Variants in ASCC3 observed in about 807,000 individuals in gnomAD.
The protein encoded by ASCC3 is ASC-1 complex subunit P200.
Under a neutral mutation model 256.3 loss-of-function variants are expected in ASCC3, and 158 were observed. That is an observed-to-expected ratio of 0.62 (90% confidence interval 0.54 to 0.70). The LOEUF is 0.70. Ranked by LOEUF, ASCC3 falls within the 30% of genes least tolerant of loss-of-function variation. The pLI, the probability that ASCC3 is intolerant of heterozygous loss-of-function variation, is 0.00. For synonymous variants in ASCC3, 948 were observed against 883.4 expected, an observed-to-expected ratio of 1.07 and a Z score of -1.30; for missense variants, 2,259 against 2,626.0, an observed-to-expected ratio of 0.86 and a Z score of 3.05.
intron 11 of ASCC3, among the ~76,000 whole-genome samples, chr6:100,724,321 G>C (rs1361570789): frequency 6.6e-6 from 1 of 151,712 alleles, no homozygotes; most frequent in Non-Finnish European, 1.5e-5. Context: ...GGTAACTGGT[G>C]ATCTTGGTAA....
At position 100,512,762 on chromosome 6, in the gene ASCC3, G is replaced by C; in HGVS notation, c.6232C>G (p.Gln2078Glu). Residue 2078 changes from glutamine (Q) to glutamate (E), a missense_variant, in exon 40 of 42, where the codon CAA (glutamine) becomes GAA (glutamate). Coordinates refer to ENST00000369162, the MANE Select transcript of ASCC3 (RefSeq NM_006828.4). Reference sequence around the variant, plus strand: ...AAGCTCACTTGAAGCACATACTCTTGGTCAGCATGCAATTTGATCCATTTG... The same window carrying C: ...AAGCTCACTTGAAGCACATACTCTTCGTCAGCATGCAATTTGATCCATTTG... ...DNKWIKLHADQEYVLQVSLQR... is the reference protein window; with the variant it reads ...DNKWIKLHADEEYVLQVSLQR... The C allele has an allele frequency of 6.2e-7, 1 of 1,614,082 alleles. No homozygotes were observed. The highest frequency in any genetic ancestry group is 8.5e-7 in the Non-Finnish European group (1 of 1,179,988).
intron 36 of ASCC3, among the ~76,000 whole-genome samples, chr6:100,546,576 G>A (rs894110695): frequency 1.3e-5 from 2 of 151,922 alleles, no homozygotes; most frequent in Non-Finnish European, 2.9e-5. Flanking sequence ...TACAGTGAAC[G>A]GATGCAATCT....
intron 40 of ASCC3, 105 bp from the exon 41 acceptor site, chr6:100,510,212 A>G: frequency 1.8e-6 from 2 of 1,137,734 alleles, no homozygotes; most frequent in Non-Finnish European, 2.6e-6. Flanking sequence ...ATACATCTAC[A>G]TAGTTCAGCA....
intron 13 of ASCC3, among the ~76,000 whole-genome samples, chr6:100,709,653 G>T (rs1250063030): frequency 1.3e-5 from 2 of 151,956 alleles, no homozygotes; most frequent in Non-Finnish European, 2.9e-5. Context: ...AGACCATGTA[G>T]AAACATTAAA....
chr6:100,851,376 T>A (rs1169940544), intron 3 of ASCC3, among the ~76,000 whole-genome samples: 1 of 152,158 alleles, frequency 6.6e-6, no homozygotes, highest in Non-Finnish European at 1.5e-5. Flanking sequence ...AAATATCCAT[T>A]ATTAGGTTAC....
chr6:100,855,327 G>A (rs1442074492), intron 3 of ASCC3, among the ~76,000 whole-genome samples: 1 of 152,220 alleles, frequency 6.6e-6, no homozygotes, highest in Admixed American at 6.5e-5. Flanking sequence ...ATGTTGTCCA[G>A]GCTAGTCTCA....
chr6:100,634,415 A>G (rs1174120038), intron 25 of ASCC3, among the ~76,000 whole-genome samples: 5 of 152,076 alleles, frequency 3.3e-5, no homozygotes, highest in Admixed American at 6.6e-5. Context: ...CCCCTACCCA[A>G]ATGGGTTCAG....
At chr6:100,696,804 C>T (rs374130999) in intron 13 of ASCC3, among the ~76,000 whole-genome samples, 51 of 151,858 alleles carry the variant, frequency 3.4e-4, no homozygotes, top group African/African-American at 9.6e-4. Flanking sequence ...ATAAAATTAA[C>T]GAAAGTATGA....
At chr6:100,537,748 C>T (rs1453425135) in intron 37 of ASCC3, among the ~76,000 whole-genome samples, 1 of 151,710 alleles carries the variant, frequency 6.6e-6, no homozygotes, top group Admixed American at 6.6e-5. Flanking sequence ...TTTTAGTATG[C>T]TGCTTTTCCA....
At chr6:100,636,832 G>A (rs1420238771) in intron 25 of ASCC3, among the ~76,000 whole-genome samples, 1 of 152,146 alleles carries the variant, frequency 6.6e-6, no homozygotes, top group Non-Finnish European at 1.5e-5. Flanking sequence ...TCTAGAGCAA[G>A]CCCCAAATTC....
At chr6:100,660,866 CT>C (rs1433154443) in intron 16 of ASCC3, among the ~76,000 whole-genome samples, 1 of 151,674 alleles carries the variant, frequency 6.6e-6, no homozygotes, top group Non-Finnish European at 1.5e-5. Flanking sequence ...CATTATTGCA[CT>C]GTGTTTTCAT....
chr6:100,841,029 G>GA (rs945388439), intron 4 of ASCC3, among the ~76,000 whole-genome samples: 13 of 151,984 alleles, frequency 8.6e-5, no homozygotes, highest in African/African-American at 3.1e-4. Flanking sequence ...GGACATAAGA[G>GA]AAAAAATGGT....
chr6:100,870,846 G>A (rs1223384490), intron 1 of ASCC3, among the ~76,000 whole-genome samples: 2 of 152,110 alleles, frequency 1.3e-5, no homozygotes. Flanking sequence ...ATGAAAGCAA[G>A]AGTCAGTGGA....
At chr6:100,562,801 G>C (rs1417733499) in intron 36 of ASCC3, among the ~76,000 whole-genome samples, 1 of 151,968 alleles carries the variant, frequency 6.6e-6, no homozygotes, top group Admixed American at 6.6e-5. Flanking sequence ...AAATCTTTTA[G>C]AGATGTAAAA....
chr6:100,575,450 G>C (rs1323924662), intron 36 of ASCC3, among the ~76,000 whole-genome samples: 1 of 151,982 alleles, frequency 6.6e-6, no homozygotes, highest in East Asian at 1.9e-4. Flanking sequence ...TCTATATACA[G>C]GCAGAGCAAA....
chr6:100,643,366 T>C (rs1775222963), intron 23 of ASCC3, among the ~76,000 whole-genome samples: 1 of 152,194 alleles, frequency 6.6e-6, no homozygotes, highest in Admixed American at 6.5e-5. Context: ...TTTAATCCAA[T>C]AGTATTCAGT....
chr6:100,667,754 T>C (rs1776555553), intron 14 of ASCC3, among the ~76,000 whole-genome samples: 1 of 152,070 alleles, frequency 6.6e-6, no homozygotes, highest in Non-Finnish European at 1.5e-5. Flanking sequence ...AATGATTGCC[T>C]TTAACTTAGG....
chr6:100,668,089 T>C (rs1350659093), intron 14 of ASCC3, among the ~76,000 whole-genome samples: 1 of 152,048 alleles, frequency 6.6e-6, no homozygotes, highest in African/African-American at 2.4e-5. Context: ...AACAGCCATA[T>C]CAATTTGTTA....
rs147275506 is a variant in ASCC3 at position 100,636,615 on chromosome 6, T to C, written c.4122+1986A>G. On this transcript the variant is annotated intron_variant, in intron 25 of 41. Coordinates refer to ENST00000369162, the MANE Select transcript of ASCC3 (RefSeq NM_006828.4). ...GAGGAAGGCATGTCGAAAGCTGAGA[T>C]AGGCCAAAAAGCTAGGCCTCTTAAT... 2.0e-5 allele frequency among the ~76,000 whole-genome samples: 3 copies of C among 152,300 alleles called. No individual in the cohort carries two copies. In the East Asian group the frequency reaches 5.8e-4, roughly 29 times the overall value.
Sources: allele counts gnomAD v4.1 joint callset (sites outside exome capture counted in the v4.1 genomes callset), GRCh38; gene constraint gnomAD v4.1.1; transcripts MANE v1.5; gene names NCBI Gene and HGNC (gene_info 2026-07-23, HGNC 2026-07-21).